ZNF385B: variants seen among roughly 807,000 people sequenced by gnomAD.
ZNF385B encodes zinc finger protein 385B.
A neutral mutation model predicts 39.2 loss-of-function variants in ZNF385B; 23 were observed. The ratio of observed to expected loss-of-function variants is 0.59; its 90% CI spans 0.42 to 0.83. ZNF385B has a LOEUF of 0.83. Ranked by LOEUF, ZNF385B falls within the 40% of genes least tolerant of loss-of-function variation. ZNF385B has a pLI of 0.00. For synonymous variants in ZNF385B, 205 were observed against 222.6 expected (o/e 0.92, Z 0.70); for missense variants, 552 against 598.9 (o/e 0.92, Z 0.82).
At chr2:179,544,793 AG>A in intron 4 of ZNF385B, 33 bp downstream of exon 4, 1 of 1,612,816 alleles carries the variant, frequency 6.2e-7, no homozygotes, top group Non-Finnish European at 8.5e-7. Context: ...TTGATGGAGG[AG>A]GACACAAATA....
intron 3 of ZNF385B, among the ~76,000 whole-genome samples, chr2:179,692,991 T>C (rs1178828272): frequency 6.6e-6 from 1 of 152,236 alleles, no homozygotes; most frequent in Non-Finnish European, 1.5e-5. Context: ...CAGCAGTGTC[T>C]ATCTCCTGGA....
intron 3 of ZNF385B, among the ~76,000 whole-genome samples, chr2:179,673,685 T>C (rs1696358623): frequency 6.6e-6 from 1 of 152,206 alleles, no homozygotes; most frequent in South Asian, 2.1e-4. Flanking sequence ...TATATTCATA[T>C]GTATTCTGAC....
At chr2:179,860,737 G>T in intron 1 of ZNF385B, 1 of 428,356 alleles carries the variant, frequency 2.3e-6, no homozygotes, top group Non-Finnish European at 4.8e-6. Flanking sequence ...CAGGTGACGA[G>T]GCGCTGCGGC....
intron 1 of ZNF385B, among the ~76,000 whole-genome samples, chr2:179,796,564 C>T (rs951867481): frequency 6.6e-6 from 1 of 152,158 alleles, no homozygotes. Context: ...CTTTTCCCCC[C>T]ATCTTGTGGG....
At chr2:179,831,128 T>C (rs562429131) in intron 1 of ZNF385B, among the ~76,000 whole-genome samples, 1 of 152,324 alleles carries the variant, frequency 6.6e-6, no homozygotes, top group East Asian at 1.9e-4. Flanking sequence ...ACATGAATCT[T>C]GAACTAAAAA....
intron 1 of ZNF385B, among the ~76,000 whole-genome samples, chr2:179,772,252 A>G (rs2106508871): frequency 6.6e-6 from 1 of 152,312 alleles, no homozygotes; most frequent in Non-Finnish European, 1.5e-5. Context: ...CTCTTCTAGA[A>G]TTCTGTAACC....
At chr2:179,574,535 A>G (rs552260661) in intron 3 of ZNF385B, among the ~76,000 whole-genome samples, 14 of 152,308 alleles carry the variant, frequency 9.2e-5, no homozygotes, top group African/African-American at 3.4e-4. Flanking sequence ...TCTGCTGGGT[A>G]ACTACTAAAA....
chr2:179,819,654 A>G (rs1707286198), intron 1 of ZNF385B, among the ~76,000 whole-genome samples: 1 of 152,214 alleles, frequency 6.6e-6, no homozygotes, highest in Non-Finnish European at 1.5e-5. Context: ...CCGAAAGTTG[A>G]GGATGGGCTT....
At chr2:179,742,707 T>C (rs938049493) in intron 3 of ZNF385B, among the ~76,000 whole-genome samples, 1 of 152,016 alleles carries the variant, frequency 6.6e-6, no homozygotes, top group African/African-American at 2.4e-5. Context: ...CAAAAGAAAG[T>C]ACAAACTCTA....
At chr2:179,856,729 G>A (rs750833126) in intron 1 of ZNF385B, among the ~76,000 whole-genome samples, 3 of 151,586 alleles carry the variant, frequency 2.0e-5, no homozygotes, top group South Asian at 2.1e-4. Context: ...ACAAAGCAAC[G>A]CAACTGGCCA....
intron 3 of ZNF385B, among the ~76,000 whole-genome samples, chr2:179,645,476 C>T (rs184005763): frequency 5.9e-5 from 9 of 152,210 alleles, no homozygotes; most frequent in African/African-American, 1.7e-4. Flanking sequence ...CTGAGGCCTA[C>T]CTAACAGGCA....
intron 3 of ZNF385B, among the ~76,000 whole-genome samples, chr2:179,618,680 G>T (rs1444535400): frequency 6.6e-6 from 1 of 152,206 alleles, no homozygotes; most frequent in African/African-American, 2.4e-5. Context: ...TTCTTGGCAT[G>T]TGATGCATGG....
At chr2:179,600,386 A>G (rs138994915) in intron 3 of ZNF385B, among the ~76,000 whole-genome samples, 337 of 152,340 alleles carry the variant, frequency 2.2e-3, no homozygotes, top group African/African-American at 7.6e-3. Context: ...TGACTAAAAA[A>G]ACTACAAATG....
intron 5 of ZNF385B, among the ~76,000 whole-genome samples, chr2:179,510,557 A>C (rs1259023745): frequency 6.6e-6 from 1 of 152,156 alleles, no homozygotes; most frequent in Non-Finnish European, 1.5e-5. Context: ...TATTTTTTAA[A>C]TAGTATGTTG....
Position 179,769,498 on chromosome 2 carries a change from C to T in ZNF385B, c.298+5G>A. On this transcript the variant is annotated splice_donor_5th_base_variant and intron_variant, in intron 3 of 9. Coordinates refer to ENST00000410066, the MANE Select transcript of ZNF385B (RefSeq NM_152520.6). ...GCACATGGAACCCGGGACCCTGCCTCCTACCTGTGCTGCTGTTGCTGCTGG... is the reference window on the plus strand; with the variant it reads ...GCACATGGAACCCGGGACCCTGCCTTCTACCTGTGCTGCTGTTGCTGCTGG... The T allele has an allele frequency of 6.2e-7, 1 of 1,613,352 alleles. No homozygotes were observed. Among genetic ancestry groups the T allele is most frequent in the Non-Finnish European group, 8.5e-7 (1 of 1,179,800 alleles).
At chr2:179,751,199 A>G (rs1454280830) in intron 3 of ZNF385B, among the ~76,000 whole-genome samples, 3 of 120,388 alleles carry the variant, frequency 2.5e-5, no homozygotes, top group Non-Finnish European at 4.7e-5. Context: ...GATTCTGCCT[A>G]CTGCATACAA....
chr2:179,462,956 C>T (rs987345149), intron 6 of ZNF385B, among the ~76,000 whole-genome samples: 1 of 151,994 alleles, frequency 6.6e-6, no homozygotes, highest in African/African-American at 2.4e-5. Flanking sequence ...GCAATAATCA[C>T]ACACAATTAT....
chr2:179,494,313 G>C (rs1489599081), intron 5 of ZNF385B, among the ~76,000 whole-genome samples: 1 of 152,036 alleles, frequency 6.6e-6, no homozygotes, highest in African/African-American at 2.4e-5. Flanking sequence ...ACCTTGTTTG[G>C]CTTCCATTTA....
At chr2:179,820,971 T>C (rs552487915) in intron 1 of ZNF385B, among the ~76,000 whole-genome samples, 5 of 152,304 alleles carry the variant, frequency 3.3e-5, no homozygotes, top group Admixed American at 2.6e-4. Context: ...CTAGAAATAA[T>C]GCTAAAATTT....
Sources: allele counts gnomAD v4.1 joint callset (sites outside exome capture counted in the v4.1 genomes callset), GRCh38; gene constraint gnomAD v4.1.1; transcripts MANE v1.5; gene names NCBI Gene and HGNC (gene_info 2026-07-23, HGNC 2026-07-21).